Variants in CHLSN observed in about 807,000 individuals in gnomAD.
CHLSN encodes protein cholesin.
chr7:1,021,836 T>C, the CHLSN span, among the ~76,000 whole-genome samples: 1 of 152,238 alleles, frequency 6.6e-6, no homozygotes, highest in Non-Finnish European at 1.5e-5. Flanking sequence ...GGAAACACAC[T>C]GGGATGCGCG....
At chr7:1,092,434 C>T in the CHLSN span, 1 of 1,608,706 alleles carries the variant, frequency 6.2e-7, no homozygotes, top group Non-Finnish European at 8.5e-7. Context: ...GTGCTACTCC[C>T]TCATTGTCCG....
the CHLSN span, among the ~76,000 whole-genome samples, chr7:1,124,753 A>C: frequency 0.036 from 5,441 of 152,084 alleles, 125 homozygotes; most frequent in African/African-American, 0.045. Context: ...CACAAAAAAA[A>C]AAAAAAAGAG....
At chr7:1,105,934 C>T in the CHLSN span, among the ~76,000 whole-genome samples, 1 of 152,086 alleles carries the variant, frequency 6.6e-6, no homozygotes, top group South Asian at 2.1e-4. Context: ...AGAGTTCGGC[C>T]GTGTCAGAAA....
chr7:1,125,762 G>T, the CHLSN span, among the ~76,000 whole-genome samples: 1 of 152,228 alleles, frequency 6.6e-6, no homozygotes, highest in Non-Finnish European at 1.5e-5. Flanking sequence ...TGTGCCATCC[G>T]CAGACACGGA....
At chr7:1,016,337 A>ACACAGCAGCGCACGCCAGCG in the CHLSN span, among the ~76,000 whole-genome samples, 5 of 66,926 alleles carry the variant, frequency 7.5e-5, 2 homozygotes, top group Non-Finnish European at 1.3e-4. Flanking sequence ...GCACAGCAGC[A>ACACAGCAGCGCACGCCAGCG]CACAGCAGCG....
chr7:1,080,375 T>C, the CHLSN span, among the ~76,000 whole-genome samples: 1 of 152,214 alleles, frequency 6.6e-6, no homozygotes, highest in Admixed American at 6.5e-5. Context: ...CACGGCCACC[T>C]GGTGTGCACG....
the CHLSN span, chr7:1,028,393 G>A: frequency 8.1e-6 from 8 of 987,454 alleles, no homozygotes; most frequent in African/African-American, 7.0e-5. Context: ...GCCCGGCGCG[G>A]CTGGAACCAG....
At chr7:1,048,790 T>C in the CHLSN span, among the ~76,000 whole-genome samples, 1 of 152,148 alleles carries the variant, frequency 6.6e-6, no homozygotes, top group African/African-American at 2.4e-5. Flanking sequence ...CAGCCGCACA[T>C]GGGCTCCAGA....
chr7:1,010,146 G>A, the CHLSN span: 3 of 1,606,898 alleles, frequency 1.9e-6, no homozygotes, highest in South Asian at 2.2e-5. Flanking sequence ...GCTTCGCCCT[G>A]AAAGTCAAGG....
At chr7:1,040,269 T>C in the CHLSN span, among the ~76,000 whole-genome samples, 17 of 150,782 alleles carry the variant, frequency 1.1e-4, 1 homozygote, top group African/African-American at 3.9e-4. Flanking sequence ...GGTGGGAGGA[T>C]TGCTTGAGGC....
chr7:1,021,415 A>G, the CHLSN span: 2 of 985,464 alleles, frequency 2.0e-6, no homozygotes, highest in Non-Finnish European at 2.4e-6. Flanking sequence ...CGGAAGCTGA[A>G]GGGCTCTGCC....
At chr7:1,068,973 CTTG>C in the CHLSN span, among the ~76,000 whole-genome samples, 8 of 152,174 alleles carry the variant, frequency 5.3e-5, no homozygotes, top group Non-Finnish European at 1.2e-4. Flanking sequence ...GGATAAATGG[CTTG>C]TTGTGACCGT....
the CHLSN span, among the ~76,000 whole-genome samples, chr7:1,111,923 C>T: frequency 6.6e-6 from 1 of 152,074 alleles, no homozygotes; most frequent in Non-Finnish European, 1.5e-5. Flanking sequence ...CTGCTACAGA[C>T]GTTAACCACG....
the CHLSN span, chr7:983,184 G>T: frequency 1.7e-5 from 25 of 1,459,330 alleles, no homozygotes; most frequent in Non-Finnish European, 2.2e-5. Context: ...GCCCAGGAGG[G>T]GAGTGGAGCC....
At chr7:979,080 G>T in the CHLSN span, among the ~76,000 whole-genome samples, 4 of 152,230 alleles carry the variant, frequency 2.6e-5, no homozygotes, top group African/African-American at 9.6e-5. Flanking sequence ...CCAAGAGGAA[G>T]CTGCATCACT....
the CHLSN span, among the ~76,000 whole-genome samples, chr7:1,135,193 T>A: frequency 6.6e-6 from 1 of 152,136 alleles, no homozygotes; most frequent in African/African-American, 2.4e-5. Flanking sequence ...CTCAGCCTCC[T>A]CACTCCCTCG....
At chr7:987,978 G>GGGGGGGTCCCCTCTGTGTGTCCT in the CHLSN span, among the ~76,000 whole-genome samples, 4 of 89,400 alleles carry the variant, frequency 4.5e-5, no homozygotes, top group African/African-American at 1.8e-4. Flanking sequence ...TGTGTGTCCT[G>GGGGGGGTCCCCTCTGTGTGTCCT]GGGGGGTCCC....
the CHLSN span, among the ~76,000 whole-genome samples, chr7:991,819 G>C: frequency 1.3e-5 from 2 of 152,300 alleles, no homozygotes; most frequent in East Asian, 1.9e-4. Context: ...TCATCTTCCC[G>C]GGCTGAAGCC....
chr7:988,658 C>T, the CHLSN span: 340 of 1,601,436 alleles, frequency 2.1e-4, no homozygotes, highest in Non-Finnish European at 2.7e-4. Flanking sequence ...TGTTGGGGAG[C>T]GCCTGGCCAG....
Sources: gnomAD v4.1 joint callset for allele counts (sites outside exome capture counted in the v4.1 genomes callset) on GRCh38, gnomAD v4.1.1 for gene constraint, MANE v1.5 for transcripts, NCBI Gene and HGNC (gene_info 2026-07-23, HGNC 2026-07-21) for gene names.